NLGN4X: variants seen among roughly 807,000 people sequenced by gnomAD.
NLGN4X encodes the protein neuroligin 4 X-linked.
NLGN4X carries 3 observed loss-of-function variants against 40.3 expected under a neutral mutation model. The ratio of observed to expected loss-of-function variants is 0.07; its 90% CI spans 0.03 to 0.19. The LOEUF is 0.19. Ranked by LOEUF, NLGN4X falls within the 10% of genes least tolerant of loss-of-function variation. The probability of loss-of-function intolerance (pLI) is 1.00; values close to 1 mark genes in which losing one functional copy is unlikely to be tolerated. For missense variants in NLGN4X, 382 were observed against 708.3 expected (o/e 0.54, Z 5.23); for synonymous variants, 270 against 306.8 (o/e 0.88, Z 1.25).
intron 1 of NLGN4X, among the ~76,000 whole-genome samples, chrX:6,178,882 G>C (rs1028816136): frequency 1.8e-5 from 2 of 111,036 alleles, no homozygotes; most frequent in African/African-American, 6.6e-5. Flanking sequence ...GATCACTAGA[G>C]TCCAGGAGTT....
intron 2 of NLGN4X, among the ~76,000 whole-genome samples, chrX:6,087,697 C>A (rs1318761423): frequency 8.9e-6 from 1 of 111,916 alleles, no homozygotes; most frequent in East Asian, 2.8e-4. Context: ...TACTTCAATT[C>A]TTCCTCCAAC....
intron 2 of NLGN4X, among the ~76,000 whole-genome samples, chrX:6,032,405 CAAA>C (rs34229775): frequency 6.1e-5 from 4 of 65,659 alleles, no homozygotes; most frequent in Admixed American, 5.3e-4. Context: ...GCGACCAAGC[CAAA>C]AAAAAAAAAA....
intron 3 of NLGN4X, among the ~76,000 whole-genome samples, chrX:5,989,091 A>T (rs749914845): frequency 0.13 from 13,190 of 100,608 alleles, 695 homozygotes; most frequent in East Asian, 0.26. Context: ...AAATAAAAAA[A>T]ATAAAAAAAA....
intron 3 of NLGN4X, among the ~76,000 whole-genome samples, chrX:5,911,518 G>C (rs1312240300): frequency 8.9e-6 from 1 of 112,294 alleles, no homozygotes; most frequent in Non-Finnish European, 1.9e-5. Flanking sequence ...GGCTGGCTGA[G>C]GGAAACGACA....
intron 1 of NLGN4X, among the ~76,000 whole-genome samples, chrX:6,221,077 ATTATTTATTTAT>A (rs759066236): frequency 9.4e-6 from 1 of 106,943 alleles, no homozygotes; most frequent in Non-Finnish European, 1.9e-5. Context: ...ATTTTTATTT[ATTATTTATTTAT>A]TTATTTATTT....
chrX:6,187,045 C>A (rs1306352332), intron 1 of NLGN4X: 2 of 108,864 alleles, frequency 1.8e-5, no homozygotes. Context: ...ACGCCATTCT[C>A]CTGCCTCAGC....
chrX:6,209,064 A>G (rs1924320400), intron 1 of NLGN4X, among the ~76,000 whole-genome samples: 1 of 112,253 alleles, frequency 8.9e-6, no homozygotes. Context: ...AAAGAACGAA[A>G]CTATCTCTTT....
intron 1 of NLGN4X, among the ~76,000 whole-genome samples, chrX:6,177,964 G>A (rs1306173575): frequency 1.8e-5 from 2 of 111,304 alleles, no homozygotes; most frequent in African/African-American, 6.5e-5. Context: ...AGGATACAGG[G>A]AGAAGGCACC....
At chrX:6,102,838 A>G (rs1039932403) in intron 2 of NLGN4X, among the ~76,000 whole-genome samples, 2 of 111,164 alleles carry the variant, frequency 1.8e-5, no homozygotes, top group African/African-American at 6.5e-5. Flanking sequence ...ATAGAGAGAG[A>G]GGGGTAGATA....
rs1036381926 is a variant in NLGN4X at position 5,933,094 on chromosome X, A to T, written c.626-23855T>A. Among the ~76,000 whole-genome samples the T allele has an allele frequency of 2.7e-5, 3 of 111,156 alleles. No homozygotes were observed. In the Admixed American group the frequency reaches 2.9e-4, roughly 11 times the overall value. Reference sequence around the variant, plus strand: ...AAAGTTTGAAGAAAAATAACTCTGAATTTAAAAAAATTTAATACTATAGGC... The same window carrying T: ...AAAGTTTGAAGAAAAATAACTCTGATTTTAAAAAAATTTAATACTATAGGC... On this transcript the variant is annotated intron_variant, in intron 3 of 5. Coordinates refer to ENST00000381095, the MANE Select transcript of NLGN4X (RefSeq NM_181332.3).
chrX:6,030,244 A>G (rs1391839031), intron 2 of NLGN4X, among the ~76,000 whole-genome samples: 2 of 111,715 alleles, frequency 1.8e-5, no homozygotes, highest in African/African-American at 6.5e-5. Flanking sequence ...CAATGATGTA[A>G]AAACAATGAT....
chrX:6,216,081 G>T (rs1925064711), intron 1 of NLGN4X, among the ~76,000 whole-genome samples: 1 of 110,631 alleles, frequency 9.0e-6, no homozygotes, highest in South Asian at 3.9e-4. Flanking sequence ...TTCACTACTT[G>T]AACTCCTGAC....
At chrX:6,070,262 G>A (rs771711464) in intron 2 of NLGN4X, among the ~76,000 whole-genome samples, 2 of 110,539 alleles carry the variant, frequency 1.8e-5, no homozygotes, top group South Asian at 3.9e-4. Context: ...GTTAGCAGGT[G>A]AGATCAACGG....
intron 2 of NLGN4X, among the ~76,000 whole-genome samples, chrX:6,117,004 A>C (rs976121326): frequency 9.0e-6 from 1 of 111,330 alleles, no homozygotes; most frequent in Non-Finnish European, 1.9e-5. Flanking sequence ...AAGAAAATCA[A>C]ATTTTTCTTC....
chrX:6,031,159 G>C (rs2036847885), intron 2 of NLGN4X, among the ~76,000 whole-genome samples: 1 of 112,044 alleles, frequency 8.9e-6, no homozygotes, highest in Non-Finnish European at 1.9e-5. Flanking sequence ...GATTCACTGG[G>C]AACACTGTGA....
chrX:6,082,003 C>T (rs759500082), intron 2 of NLGN4X, among the ~76,000 whole-genome samples: 1 of 112,230 alleles, frequency 8.9e-6, no homozygotes, highest in Non-Finnish European at 1.9e-5. Context: ...ATTCATGTCT[C>T]GTTCTCTGTT....
At chrX:5,938,317 TATTC>T (rs1232943992) in intron 3 of NLGN4X, among the ~76,000 whole-genome samples, 1 of 110,987 alleles carries the variant, frequency 9.0e-6, no homozygotes, top group Non-Finnish European at 1.9e-5. Flanking sequence ...CAAGGGATTA[TATTC>T]ATTATTAGGG....
At position 5,896,888 on chromosome X, in the gene NLGN4X, G is replaced by A. The variant is rs190489718; in HGVS notation, c.1602-3222C>T. 1.3e-4 allele frequency among the ~76,000 whole-genome samples: 14 copies of A among 111,980 alleles called. No homozygotes were observed. The East Asian group carries it at 1.4e-3, about 11-fold the overall frequency. ...AAATTCCTTTTTGGTAATAAAGGTC[G>A]CCTTTACAGCCAGAATTACGCTGCA... On this transcript the variant is annotated intron_variant, in intron 5 of 5. Transcript: ENST00000381095.
At chrX:6,050,430 A>G (rs1222724482) in intron 2 of NLGN4X, among the ~76,000 whole-genome samples, 1 of 110,626 alleles carries the variant, frequency 9.0e-6, no homozygotes, top group Non-Finnish European at 1.9e-5. Flanking sequence ...ATCTAAATTT[A>G]TATCTACTTA....
Sources: gnomAD v4.1 joint callset for allele counts (sites outside exome capture counted in the v4.1 genomes callset) on GRCh38, gnomAD v4.1.1 for gene constraint, MANE v1.5 for transcripts, NCBI Gene and HGNC (gene_info 2026-07-23, HGNC 2026-07-21) for gene names.